The following FAM13B variants were observed in gnomAD, a reference collection of about 807,000 sequenced individuals.
FAM13B encodes protein FAM13B.
In FAM13B, 60 loss-of-function variants were observed where a neutral mutation model predicts 117.3. The observed-to-expected ratio is 0.51, with a 90% CI of 0.42 to 0.63. The LOEUF is 0.63. Ranked by LOEUF, FAM13B falls within the 30% of genes least tolerant of loss-of-function variation. FAM13B has a pLI of 0.00. For synonymous variants in FAM13B, 332 were observed against 356.1 expected (o/e 0.93, Z 0.76); for missense variants, 972 against 1,091.9 (o/e 0.89, Z 1.55).
intron 10 of FAM13B, among the ~76,000 whole-genome samples, chr5:137,964,784 T>C (rs941687930): frequency 2.0e-5 from 3 of 152,110 alleles, no homozygotes; most frequent in Admixed American, 2.0e-4. Context: ...TAGCTCTGCC[T>C]TTCTCATCAC....
chr5:137,978,462 C>T (rs2150486762), intron 10 of FAM13B, among the ~76,000 whole-genome samples: 1 of 151,980 alleles, frequency 6.6e-6, no homozygotes, highest in Non-Finnish European at 1.5e-5. Flanking sequence ...ATATATTGTT[C>T]CTGGGTATTC....
intron 7 of FAM13B, among the ~76,000 whole-genome samples, chr5:137,990,365 T>C (rs1233300802): frequency 6.6e-6 from 1 of 152,258 alleles, no homozygotes; most frequent in Non-Finnish European, 1.5e-5. Context: ...GGTAAGCTTT[T>C]GCTTTATCTT....
At chr5:138,010,192 G>C (rs1783624470) in intron 6 of FAM13B, among the ~76,000 whole-genome samples, 1 of 152,078 alleles carries the variant, frequency 6.6e-6, no homozygotes, top group African/African-American at 2.4e-5. Flanking sequence ...TGTTGGCCGG[G>C]CTGGTCTCAA....
At position 138,011,871 on chromosome 5, in the gene FAM13B, A is replaced by C. The variant is rs1784109322; in HGVS notation, c.445T>G (p.Leu149Val). The part of the protein sequence containing the change: ...LQQLPPVNYS[L>V]LKFLCRFLAN... ...AAAAATCTACACAGAAACTTTAACA[A>C]ACTATAATTAACAGGTGGAAGCTGT... Residue 149 changes from leucine to valine, a missense_variant, in exon 5 of 24, where the codon TTG (leucine) becomes GTG (valine). Coordinates refer to ENST00000689681, the MANE Select transcript of FAM13B (RefSeq NM_001385994.1). The C allele has an allele frequency of 6.2e-7, 1 of 1,603,430 alleles. No homozygotes were observed. The highest frequency in any genetic ancestry group is 8.5e-7 in the Non-Finnish European group (1 of 1,177,076).
chr5:137,952,778 T>C, intron 16 of FAM13B, 69 bp from the exon 17 acceptor site: 1 of 935,410 alleles, frequency 1.1e-6, no homozygotes, highest in Non-Finnish European at 1.7e-6. Flanking sequence ...TATGTCCAAA[T>C]AGTATTTTAC....
chr5:137,959,129 T>C (rs1331036538), intron 13 of FAM13B, among the ~76,000 whole-genome samples: 1 of 152,236 alleles, frequency 6.6e-6, no homozygotes, highest in Non-Finnish European at 1.5e-5. Flanking sequence ...CCCTGCACCA[T>C]ACCTTCATAA....
At chr5:137,949,955 C>T (rs1485744552) in intron 17 of FAM13B, among the ~76,000 whole-genome samples, 2 of 151,832 alleles carry the variant, frequency 1.3e-5, no homozygotes, top group Non-Finnish European at 2.9e-5. Flanking sequence ...AGAGTCAGAC[C>T]CTGTCTCAAA....
In FAM13B at chr5:138,043,546, T is replaced by C. The variant is rs541274482; in HGVS notation, c.-203+8332A>G. Among the ~76,000 whole-genome samples the C allele has an allele frequency of 2.0e-5, 3 of 151,354 alleles. No individual in the cohort carries two copies. In the South Asian group the frequency reaches 6.3e-4, roughly 32 times the overall value. ...CCTCCACCTCTCAGGTTCAAGCAATTCCCCTGCCTCAGCCTCCCAAGTAGC... is the reference window on the plus strand; with the variant it reads ...CCTCCACCTCTCAGGTTCAAGCAATCCCCCTGCCTCAGCCTCCCAAGTAGC... On this transcript the variant is annotated intron_variant, in intron 1 of 3. Coordinates refer to the FAM13B transcript ENST00000502471.
At chr5:137,957,882 G>A (rs200479665) in intron 13 of FAM13B, among the ~76,000 whole-genome samples, 7 of 152,176 alleles carry the variant, frequency 4.6e-5, no homozygotes, top group African/African-American at 7.2e-5. Flanking sequence ...GGAAAAAAAA[G>A]ACAGTCCAGT....
intron 17 of FAM13B, 117 bp from the exon 18 acceptor site, chr5:137,949,301 T>C (rs1764283682): frequency 1.3e-6 from 1 of 760,098 alleles, no homozygotes; most frequent in East Asian, 2.6e-5. Context: ...GACTTAGATA[T>C]TTCAAAGCCA....
chr5:137,942,105 G>A lies in FAM13B; in HGVS notation c.2589-60C>T, dbSNP rs1762024167. ...CTTGATTCATTATATTCTTAAGAGA[G>A]GTTCTATTTCTGGCTGCAAATTAAA... On this transcript the variant is annotated intron_variant, in intron 22 of 23. Coordinates refer to ENST00000689681, the MANE Select transcript of FAM13B (RefSeq NM_001385994.1). 4 of 1,406,890 alleles carry A rather than the reference G, an allele frequency of 2.8e-6. No homozygotes were observed. The African/African-American group carries it at 5.7e-5, about 20-fold the overall frequency. 87.2% of individuals were successfully genotyped at this position (1,406,890 alleles called of 1,614,324 possible).
chr5:138,005,053 C>T (rs1053770124), intron 7 of FAM13B, among the ~76,000 whole-genome samples: 1 of 152,010 alleles, frequency 6.6e-6, no homozygotes, highest in Admixed American at 6.6e-5. Context: ...GCCTGGGCAA[C>T]ATGGTGAAAC....
At chr5:138,049,795 A>C (rs1242421162) in intron 1 of FAM13B, among the ~76,000 whole-genome samples, 1 of 152,132 alleles carries the variant, frequency 6.6e-6, no homozygotes, top group Non-Finnish European at 1.5e-5. Flanking sequence ...ACCTAAAGAA[A>C]AATTTCATTA....
upstream of FAM13B, chr5:138,036,289 A>T (rs1445077767): frequency 2.6e-6 from 1 of 386,390 alleles, no homozygotes; most frequent in Non-Finnish European, 5.2e-6. Flanking sequence ...CTTTTTTCTC[A>T]TGGTGCTGCT....
chr5:137,982,420 G>A (rs911397212), intron 10 of FAM13B, among the ~76,000 whole-genome samples: 1 of 152,122 alleles, frequency 6.6e-6, no homozygotes, highest in African/African-American at 2.4e-5. Context: ...CGGGCATGGT[G>A]GCAGGCACCT....
At chr5:137,942,264 T>C in intron 22 of FAM13B, 1 of 550,704 alleles carries the variant, frequency 1.8e-6, no homozygotes, top group Non-Finnish European at 3.2e-6. Context: ...ACCAGTGACA[T>C]ACACCATATC....
chr5:137,965,153 A>G (rs899806098), intron 10 of FAM13B, among the ~76,000 whole-genome samples: 5 of 152,190 alleles, frequency 3.3e-5, no homozygotes, highest in African/African-American at 1.2e-4. Context: ...TGGGTGACAG[A>G]GCGAGCCTCT....
intron 9 of FAM13B, among the ~76,000 whole-genome samples, chr5:137,985,597 T>C (rs1157014247): frequency 6.6e-6 from 1 of 152,236 alleles, no homozygotes; most frequent in African/African-American, 2.4e-5. Context: ...TGAGGGACCA[T>C]GTTATCCCCT....
rs775708148 is a variant in FAM13B at position 137,949,065 on chromosome 5, GTTCATCTTCATTCTC to G, written c.2035_2049del (p.Glu679_Glu683del). On this transcript the variant is annotated inframe_deletion, in exon 18 of 24. Transcript: ENST00000689681. Reference sequence around the variant, plus strand: ...TTTTTCTCCTTCTGAATGACCTTGGGTTCATCTTCATTCTCTTCATCTTCATGGTCTAGAGAAGAG... The same window carrying G: ...TTTTTCTCCTTCTGAATGACCTTGGGTTCATCTTCATGGTCTAGAGAAGAG... 3.7e-6 allele frequency: 6 copies of G among 1,613,810 alleles called. No individual in the cohort carries two copies. The highest frequency in any genetic ancestry group is 5.1e-6 in the Non-Finnish European group (6 of 1,179,990).
Sources: allele counts gnomAD v4.1 joint callset (sites outside exome capture counted in the v4.1 genomes callset), GRCh38; gene constraint gnomAD v4.1.1; transcripts MANE v1.5; gene names NCBI Gene and HGNC (gene_info 2026-07-23, HGNC 2026-07-21).